CACNG2: variants seen among roughly 807,000 people sequenced by gnomAD.
CACNG2 encodes the protein voltage-dependent calcium channel gamma-2 subunit.
CACNG2 carries 3 observed loss-of-function variants against 25.9 expected under a neutral mutation model. The observed-to-expected ratio is 0.12, with a 90% CI of 0.05 to 0.30. The LOEUF is 0.30. Ranked by LOEUF, CACNG2 falls within the 10% of genes least tolerant of loss-of-function variation. The pLI, the probability that CACNG2 is intolerant of heterozygous loss-of-function variation, is 1.00. For synonymous variants in CACNG2, 167 were observed against 173.3 expected, an observed-to-expected ratio of 0.96 and a Z score of 0.29; for missense variants, 341 against 432.5, an observed-to-expected ratio of 0.79 and a Z score of 1.88.
intron 1 of CACNG2, among the ~76,000 whole-genome samples, chr22:36,656,374 C>A (rs1230469723): frequency 1.3e-5 from 2 of 152,092 alleles, no homozygotes; most frequent in Admixed American, 6.6e-5. Flanking sequence ...ATTTTTGACT[C>A]CTGTCTTTTT....
intron 2 of CACNG2, among the ~76,000 whole-genome samples, chr22:36,566,966 T>A (rs1966344181): frequency 6.6e-6 from 1 of 152,230 alleles, no homozygotes; most frequent in South Asian, 2.1e-4. Flanking sequence ...TTCCCTGACT[T>A]CCTTAGGCAA....
chr22:36,637,641 C>G (rs1936378270), intron 1 of CACNG2, among the ~76,000 whole-genome samples: 1 of 152,084 alleles, frequency 6.6e-6, no homozygotes, highest in South Asian at 2.1e-4. Flanking sequence ...CTCTTATTTT[C>G]CAGTTGAAGA....
At chr22:36,629,388 C>T (rs1435512897) in intron 1 of CACNG2, among the ~76,000 whole-genome samples, 3 of 152,126 alleles carry the variant, frequency 2.0e-5, no homozygotes, top group Non-Finnish European at 4.4e-5. Flanking sequence ...CCCCAGGGAG[C>T]TCAGAGCTTG....
intron 2 of CACNG2, among the ~76,000 whole-genome samples, chr22:36,570,638 C>T (rs748060269): frequency 7.9e-5 from 12 of 151,844 alleles, no homozygotes; most frequent in South Asian, 2.1e-4. Context: ...TGGTGCGTGT[C>T]AGTAGTCTCA....
At chr22:36,594,663 A>AG (rs1041458424) in intron 1 of CACNG2, among the ~76,000 whole-genome samples, 1 of 151,750 alleles carries the variant, frequency 6.6e-6, no homozygotes, top group Non-Finnish European at 1.5e-5. Flanking sequence ...TGAAGCAGGG[A>AG]GGGGTCCGTG....
In CACNG2 at chr22:36,686,846, G is replaced by A. The variant is rs575412813; in HGVS notation, c.211+15520C>T. Among the ~76,000 whole-genome samples, 49 of 152,266 alleles carry A rather than the reference G, an allele frequency of 3.2e-4. No homozygotes were observed. The South Asian group carries it at 7.1e-3, about 22-fold the overall frequency. Reference sequence around the variant, plus strand: ...ACTAGATGAGCCCTGTGGAGTCGCCGCTAGTCAACTTCCCTCTCTCATTTT... The same window carrying A: ...ACTAGATGAGCCCTGTGGAGTCGCCACTAGTCAACTTCCCTCTCTCATTTT... On this transcript the variant is annotated intron_variant, in intron 1 of 3. Coordinates refer to ENST00000300105, the MANE Select transcript of CACNG2 (RefSeq NM_006078.5).
chr22:36,665,706 CA>C (rs747536172), intron 1 of CACNG2, among the ~76,000 whole-genome samples: 3 of 152,178 alleles, frequency 2.0e-5, no homozygotes, highest in Non-Finnish European at 4.4e-5. Context: ...ACTATCAAAG[CA>C]AACAAACAAA....
intron 1 of CACNG2, among the ~76,000 whole-genome samples, chr22:36,633,680 A>G (rs571458209): frequency 2.8e-4 from 42 of 152,270 alleles, no homozygotes; most frequent in African/African-American, 9.6e-4. Flanking sequence ...ACATTTTAAG[A>G]GCTTAATTTA....
At chr22:36,601,919 C>A (rs887597901) in intron 1 of CACNG2, among the ~76,000 whole-genome samples, 1 of 152,060 alleles carries the variant, frequency 6.6e-6, no homozygotes, top group East Asian at 1.9e-4. Context: ...ATGGTGGCAT[C>A]AACCTACATT....
At chr22:36,605,625 C>A (rs1448854446) in intron 1 of CACNG2, among the ~76,000 whole-genome samples, 1 of 152,210 alleles carries the variant, frequency 6.6e-6, no homozygotes, top group Non-Finnish European at 1.5e-5. Flanking sequence ...GTCAGTTAAA[C>A]TTCTGTCATA....
At chr22:36,609,983 GT>G (rs1935911439) in intron 1 of CACNG2, among the ~76,000 whole-genome samples, 3 of 148,924 alleles carry the variant, frequency 2.0e-5, no homozygotes, top group African/African-American at 4.9e-5. Context: ...GCAGGAATCA[GT>G]CTCCCAGAGC....
intron 1 of CACNG2, among the ~76,000 whole-genome samples, chr22:36,600,264 T>C (rs1180255272): frequency 6.6e-6 from 1 of 152,178 alleles, no homozygotes; most frequent in African/African-American, 2.4e-5. Context: ...TTTTAATTTT[T>C]TTAGAGACAG....
At chr22:36,685,526 C>T (rs1173943111) in intron 1 of CACNG2, among the ~76,000 whole-genome samples, 1 of 152,206 alleles carries the variant, frequency 6.6e-6, no homozygotes, top group Admixed American at 6.5e-5. Context: ...CTCACCCACA[C>T]CACACGTTCT....
intron 1 of CACNG2, among the ~76,000 whole-genome samples, chr22:36,643,375 T>C (rs994119486): frequency 2.0e-5 from 3 of 152,186 alleles, no homozygotes; most frequent in Middle Eastern, 3.4e-3. Context: ...CTATATGCTG[T>C]GCCCTATCCT....
chr22:36,599,012 G>A (rs1341776700), intron 1 of CACNG2, among the ~76,000 whole-genome samples: 1 of 152,102 alleles, frequency 6.6e-6, no homozygotes, highest in Non-Finnish European at 1.5e-5. Flanking sequence ...CAAAACATAC[G>A]TATAGCCTGC....
At chr22:36,669,225 G>A (rs570719740) in intron 1 of CACNG2, among the ~76,000 whole-genome samples, 1 of 152,152 alleles carries the variant, frequency 6.6e-6, no homozygotes, top group East Asian at 1.9e-4. Context: ...TCTGAGGCTG[G>A]GCGTGGTGGC....
At chr22:36,641,137 C>T (rs940429147) in intron 1 of CACNG2, among the ~76,000 whole-genome samples, 9 of 152,194 alleles carry the variant, frequency 5.9e-5, no homozygotes, top group African/African-American at 2.2e-4. Flanking sequence ...GCATCCCTTT[C>T]TGTCACTCTC....
At position 36,669,613 on chromosome 22, in the gene CACNG2, T is replaced by C. The variant is rs1184329005; in HGVS notation, c.211+32753A>G. Among the ~76,000 whole-genome samples, 3 of 152,250 alleles carry C rather than the reference T, an allele frequency of 2.0e-5. No individual in the cohort carries two copies. The East Asian group carries it at 5.8e-4, about 29-fold the overall frequency. On this transcript the variant is annotated intron_variant, in intron 1 of 3. Coordinates refer to ENST00000300105, the MANE Select transcript of CACNG2 (RefSeq NM_006078.5). ...GTTTGGCTTCTCAGTGATTGTGTGTTTGTGCATGTACGCGCATGAGTGTGT... is the reference window on the plus strand; with the variant it reads ...GTTTGGCTTCTCAGTGATTGTGTGTCTGTGCATGTACGCGCATGAGTGTGT...
Position 36,702,611 on chromosome 22 carries a change from G to C in CACNG2, c.-35C>G, listed in dbSNP as rs1252855049. On this transcript the variant is annotated 5_prime_UTR_variant, in exon 1 of 4. Transcript: ENST00000300105. ...TTATATAAACACCCAACCGACTTCT[G>C]GTTCTCGGGAGAGTGTGTGTGAGGG... 4.5e-6 allele frequency: 7 copies of C among 1,567,616 alleles called. No individual in the cohort carries two copies. The highest frequency in any genetic ancestry group is 1.1e-5 in the South Asian group (1 of 90,070).
Sources: allele counts gnomAD v4.1 joint callset (sites outside exome capture counted in the v4.1 genomes callset), GRCh38; gene constraint gnomAD v4.1.1; transcripts MANE v1.5; gene names NCBI Gene and HGNC (gene_info 2026-07-23, HGNC 2026-07-21).